The following PLXDC2 variants were observed in gnomAD, a reference collection of about 807,000 sequenced individuals.
The protein encoded by PLXDC2 is plexin domain containing 2.
A neutral mutation model predicts 68.9 loss-of-function variants in PLXDC2; 40 were observed. That is an observed-to-expected ratio of 0.58 (90% confidence interval 0.45 to 0.76). The LOEUF (loss-of-function observed/expected upper bound fraction) is 0.76. Ranked by LOEUF, PLXDC2 falls within the 30% of genes least tolerant of loss-of-function variation. The pLI is 0.00. For synonymous variants in PLXDC2, 243 were observed against 234.2 expected (o/e 1.04, Z -0.34); for missense variants, 644 against 661.9 (o/e 0.97, Z 0.30).
intron 4 of PLXDC2, among the ~76,000 whole-genome samples, chr10:20,114,410 G>A (rs1455451250): frequency 2.0e-5 from 3 of 152,272 alleles, no homozygotes; most frequent in East Asian, 1.9e-4. Context: ...GTGAGTACAC[G>A]GATCAATGTC....
chr10:20,261,326 T>A (rs1349290945), intron 13 of PLXDC2, among the ~76,000 whole-genome samples: 1 of 152,232 alleles, frequency 6.6e-6, no homozygotes, highest in Non-Finnish European at 1.5e-5. Context: ...GCTTCAGGTC[T>A]TGTATGTAGC....
At chr10:20,265,141 C>T (rs143547237) in intron 13 of PLXDC2, among the ~76,000 whole-genome samples, 3 of 152,172 alleles carry the variant, frequency 2.0e-5, no homozygotes, top group Non-Finnish European at 1.5e-5. Flanking sequence ...AATTTATATC[C>T]AGCAAAACTG....
intron 12 of PLXDC2, among the ~76,000 whole-genome samples, chr10:20,237,467 T>C (rs780465810): frequency 2.0e-5 from 3 of 152,208 alleles, no homozygotes; most frequent in South Asian, 2.1e-4. Flanking sequence ...ATTATGTATA[T>C]AGAAAGTTAA....
At chr10:20,166,911 A>G (rs2131817261) in intron 7 of PLXDC2, among the ~76,000 whole-genome samples, 1 of 152,296 alleles carries the variant, frequency 6.6e-6, no homozygotes, top group South Asian at 2.1e-4. Context: ...TCATTTAATA[A>G]ATTGGCAACA....
chr10:19,836,504 C>T (rs1404489312), intron 1 of PLXDC2, among the ~76,000 whole-genome samples: 1 of 152,106 alleles, frequency 6.6e-6, no homozygotes, highest in African/African-American at 2.4e-5. Flanking sequence ...GATGATATCA[C>T]GTTTTATGTA....
intron 2 of PLXDC2, among the ~76,000 whole-genome samples, chr10:20,040,269 T>C (rs1034041064): frequency 3.3e-5 from 5 of 152,132 alleles, no homozygotes; most frequent in African/African-American, 1.2e-4. Context: ...CACCCCTTCC[T>C]GAAACTAGAC....
At chr10:20,005,966 G>A (rs941871819) in intron 2 of PLXDC2, among the ~76,000 whole-genome samples, 6 of 152,164 alleles carry the variant, frequency 3.9e-5, no homozygotes, top group Non-Finnish European at 7.3e-5. Flanking sequence ...GAAGTGCGCA[G>A]ATCACCTGAA....
rs1317287068 is a variant in PLXDC2 at position 20,281,199 on chromosome 10, G to A, written c.*1380G>A. 1.3e-5 allele frequency: 2 copies of A among 152,034 alleles called. No homozygotes were observed. The highest frequency in any genetic ancestry group is 2.9e-5 in the Non-Finnish European group (2 of 68,004). The allele number at this position is 152,034 out of a possible 1,614,324, so 9.4% of individuals were successfully genotyped here. On this transcript the variant is annotated 3_prime_UTR_variant, in exon 14 of 14. Transcript: ENST00000377252. ...AGTGGATGCAGAAAGCTCCTTAAAT[G>A]GAGATATCGATTGCCTTGGAATCAC...
At chr10:20,052,665 A>G (rs1262321415) in intron 3 of PLXDC2, among the ~76,000 whole-genome samples, 3 of 150,520 alleles carry the variant, frequency 2.0e-5, no homozygotes, top group African/African-American at 7.4e-5. Flanking sequence ...CTCGAATCTT[A>G]TCAGCAGTTC....
At chr10:20,053,658 A>G (rs376124064) in intron 3 of PLXDC2, among the ~76,000 whole-genome samples, 2 of 152,246 alleles carry the variant, frequency 1.3e-5, no homozygotes, top group African/African-American at 4.8e-5. Context: ...TGCCAGACAT[A>G]TTAGAATTAT....
chr10:20,097,978 A>T (rs1413939822), intron 4 of PLXDC2, among the ~76,000 whole-genome samples: 1 of 149,712 alleles, frequency 6.7e-6, no homozygotes, highest in Non-Finnish European at 1.5e-5. Flanking sequence ...AGCATTATTT[A>T]TATTACTTAT....
chr10:19,918,881 T>C (rs1833414015), intron 1 of PLXDC2, among the ~76,000 whole-genome samples: 2 of 152,194 alleles, frequency 1.3e-5, no homozygotes, highest in African/African-American at 2.4e-5. Flanking sequence ...TATTTCATCA[T>C]GTATGGAGTG....
At chr10:20,076,753 A>C (rs1836457969) in intron 4 of PLXDC2, among the ~76,000 whole-genome samples, 1 of 152,258 alleles carries the variant, frequency 6.6e-6, no homozygotes, top group South Asian at 2.1e-4. Flanking sequence ...GGCTGGCTCA[A>C]CCACTGATGT....
At position 20,287,831 on chromosome 10, in the gene PLXDC2, G is replaced by GAA. The variant is rs111335543; in HGVS notation, c.*8018_*8019dup. ...CCTGGAGAGTACATTATTTTCAGGG[G>GAA]AAAAAAAGGAGAGAGTCTTTTTTAT... On this transcript the variant is annotated 3_prime_UTR_variant, in exon 14 of 14. Transcript: ENST00000377252. 1.3e-5 allele frequency: 2 copies of GAA among 151,638 alleles called. No homozygotes were observed. Among genetic ancestry groups the GAA allele is most frequent in the African/African-American group, 4.8e-5 (2 of 41,242 alleles). The allele number at this position is 151,638 out of a possible 1,614,324, so 9.4% of individuals were successfully genotyped here.
chr10:20,008,255 A>C (rs1238687381), intron 2 of PLXDC2, among the ~76,000 whole-genome samples: 1 of 152,156 alleles, frequency 6.6e-6, no homozygotes, highest in East Asian at 1.9e-4. Context: ...AAAATACTTA[A>C]TCTAAAAAAA....
chr10:19,888,859 A>G (rs1417079939), intron 1 of PLXDC2, among the ~76,000 whole-genome samples: 1 of 152,170 alleles, frequency 6.6e-6, no homozygotes, highest in African/African-American at 2.4e-5. Flanking sequence ...AAGATGTATT[A>G]TCTGAGTATA....
chr10:20,092,514 G>T (rs543220712), intron 4 of PLXDC2, among the ~76,000 whole-genome samples: 2 of 152,172 alleles, frequency 1.3e-5, no homozygotes, highest in Non-Finnish European at 2.9e-5. Flanking sequence ...TGCTTACAAG[G>T]TGTTTAAATT....
chr10:19,830,994 C>CT (rs35506755), intron 1 of PLXDC2, among the ~76,000 whole-genome samples: 54 of 148,376 alleles, frequency 3.6e-4, no homozygotes, highest in Admixed American at 6.0e-4. Context: ...GGTTTGTTTC[C>CT]TTTTTTTTTT....
intron 1 of PLXDC2, among the ~76,000 whole-genome samples, chr10:19,864,135 G>A (rs933640211): frequency 2.0e-5 from 3 of 152,024 alleles, no homozygotes; most frequent in Non-Finnish European, 4.4e-5. Flanking sequence ...TGAGTAGCTG[G>A]CACTACAGGC....
Sources: allele counts gnomAD v4.1 joint callset (sites outside exome capture counted in the v4.1 genomes callset), GRCh38; gene constraint gnomAD v4.1.1; transcripts MANE v1.5; gene names NCBI Gene and HGNC (gene_info 2026-07-23, HGNC 2026-07-21).